Variants in HIVEP1 observed in about 807,000 individuals in gnomAD.
HIVEP1 encodes the protein zinc finger protein 40.
In HIVEP1, 36 loss-of-function variants were observed where a neutral mutation model predicts 180.0. The observed-to-expected ratio is 0.20, with a 90% CI of 0.15 to 0.26. HIVEP1 has a LOEUF of 0.26. Among genes scored for constraint, HIVEP1 ranks in the 10% least tolerant of loss-of-function variants. The pLI is 1.00. For missense variants in HIVEP1, 3,143 were observed against 3,268.7 expected, an observed-to-expected ratio of 0.96 and a Z score of 0.94; for synonymous variants, 1,239 against 1,239.0, an observed-to-expected ratio of 1.00 and a Z score of 0.00.
chr6:12,107,300 A>AAT (rs1774492233), intron 3 of HIVEP1, among the ~76,000 whole-genome samples: 1 of 152,234 alleles, frequency 6.6e-6, no homozygotes, highest in African/African-American at 2.4e-5. Context: ...CATTATGTCT[A>AAT]ATAAAACAAT....
intron 2 of HIVEP1, among the ~76,000 whole-genome samples, chr6:12,065,914 A>C (rs1771545874): frequency 6.6e-6 from 1 of 152,142 alleles, no homozygotes; most frequent in Non-Finnish European, 1.5e-5. Flanking sequence ...AACAGCACTC[A>C]GCACACAGGA....
At chr6:12,069,138 C>T (rs1325792454) in intron 2 of HIVEP1, among the ~76,000 whole-genome samples, 1 of 152,206 alleles carries the variant, frequency 6.6e-6, no homozygotes, top group Non-Finnish European at 1.5e-5. Flanking sequence ...CTTACACAAA[C>T]CTAGATGGTA....
chr6:12,150,783 T>C (rs940469242), intron 7 of HIVEP1, among the ~76,000 whole-genome samples: 2 of 152,130 alleles, frequency 1.3e-5, no homozygotes, highest in African/African-American at 4.8e-5. Flanking sequence ...ATTTTATCTT[T>C]AAAATATATA....
chr6:12,174,640 AGAAGAAGCATTTG>A, the HIVEP1 span, among the ~76,000 whole-genome samples: 1 of 152,190 alleles, frequency 6.6e-6, no homozygotes, highest in East Asian at 1.9e-4. Context: ...CTTCAAAAAA[AGAAGAAGCATTTG>A]GAAGACACAA....
chr6:12,168,401 TATATA>T (rs1274465253), downstream of HIVEP1, among the ~76,000 whole-genome samples: 2 of 123,014 alleles, frequency 1.6e-5, no homozygotes, highest in Non-Finnish European at 3.5e-5. Flanking sequence ...TATAATATTT[TATATA>T]ATATATTTTA....
chr6:12,124,952 A>C lies in HIVEP1; in HGVS notation c.5157A>C (p.Leu1719=). The change falls in exon 4 of 9, where the codon CTA becomes CTC. Residue 1719 remains leucine, a synonymous_variant. Transcript: ENST00000379388. ...VFSEMSQNSS[L]SESLPITQKI... is the part of the protein sequence containing the mutation. ...CAGAGATGAGCCAAAATTCTTCTCT[A>C]TCAGAATCCTTGCCCATAACTCAGA... 6.2e-7 allele frequency: 1 copy of C among 1,614,156 alleles called. No individual in the cohort carries two copies. The highest frequency in any genetic ancestry group is 1.3e-5 in the African/African-American group (1 of 75,062).
chr6:12,061,102 T>C (rs1446854446), intron 2 of HIVEP1, among the ~76,000 whole-genome samples: 1 of 152,104 alleles, frequency 6.6e-6, no homozygotes, highest in Non-Finnish European at 1.5e-5. Context: ...GGCCGACCTG[T>C]CATGGCTGGT....
chr6:12,174,274 A>G, the HIVEP1 span, among the ~76,000 whole-genome samples: 5 of 152,216 alleles, frequency 3.3e-5, no homozygotes, highest in African/African-American at 1.2e-4. Context: ...ATTATGAGAA[A>G]CCAAATTTCA....
At chr6:12,196,592 G>A in the HIVEP1 span, among the ~76,000 whole-genome samples, 2 of 152,130 alleles carry the variant, frequency 1.3e-5, no homozygotes, top group African/African-American at 4.8e-5. Flanking sequence ...GGTGATGTGA[G>A]GTTAGTTGTT....
intron 3 of HIVEP1, among the ~76,000 whole-genome samples, chr6:12,101,272 G>A (rs1381528936): frequency 6.6e-6 from 1 of 152,008 alleles, no homozygotes; most frequent in African/African-American, 2.4e-5. Context: ...CAAATAAGAA[G>A]GTTAGTATAA....
At chr6:12,015,418 G>A in intron 1 of HIVEP1, 108 bp from the exon 2 acceptor site, 1 of 445,018 alleles carries the variant, frequency 2.2e-6, no homozygotes, top group South Asian at 4.6e-5. Context: ...GCCCAGCTTG[G>A]TTACTTTTTC....
At chr6:12,183,210 T>C in the HIVEP1 span, among the ~76,000 whole-genome samples, 1 of 152,174 alleles carries the variant, frequency 6.6e-6, no homozygotes, top group Non-Finnish European at 1.5e-5. Flanking sequence ...TGTAATCCTT[T>C]TGAAAAACAG....
At chr6:12,041,445 G>C (rs1432569186) in intron 2 of HIVEP1, among the ~76,000 whole-genome samples, 6 of 104,102 alleles carry the variant, frequency 5.8e-5, no homozygotes, top group South Asian at 7.2e-4. Flanking sequence ...AAAAAAAAAA[G>C]CCGGAGAAAG....
chr6:12,054,093 C>T (rs1770711514), intron 2 of HIVEP1, among the ~76,000 whole-genome samples: 1 of 152,186 alleles, frequency 6.6e-6, no homozygotes, highest in Admixed American at 6.5e-5. Context: ...CTCTCAGCAA[C>T]ATATAAAACA....
intron 2 of HIVEP1, among the ~76,000 whole-genome samples, chr6:12,017,804 A>G (rs1206169020): frequency 6.6e-6 from 1 of 152,198 alleles, no homozygotes; most frequent in African/African-American, 2.4e-5. Flanking sequence ...TGTATTCACA[A>G]TCCCTTAGCT....
chr6:12,073,150 C>G (rs925368353), intron 2 of HIVEP1, among the ~76,000 whole-genome samples: 12 of 152,086 alleles, frequency 7.9e-5, no homozygotes, highest in African/African-American at 2.9e-4. Flanking sequence ...TGCTTTGAGG[C>G]CTTTTAGAGT....
At chr6:12,024,302 A>C (rs1174687786) in intron 2 of HIVEP1, among the ~76,000 whole-genome samples, 5 of 145,150 alleles carry the variant, frequency 3.4e-5, no homozygotes, top group Admixed American at 2.1e-4. Context: ...AAAGGTTTTT[A>C]GAAATTTTCT....
At chr6:12,076,631 TC>T (rs1772368815) in intron 2 of HIVEP1, among the ~76,000 whole-genome samples, 1 of 152,136 alleles carries the variant, frequency 6.6e-6, no homozygotes, top group Non-Finnish European at 1.5e-5. Flanking sequence ...GTAAACCCAC[TC>T]CTGCAGTCCT....
intron 6 of HIVEP1, among the ~76,000 whole-genome samples, chr6:12,135,098 TG>T (rs1758634148): frequency 6.6e-6 from 1 of 152,234 alleles, no homozygotes. Flanking sequence ...CAGGCTTACC[TG>T]TCCTGAGATA....
Sources: gnomAD v4.1 joint callset for allele counts (sites outside exome capture counted in the v4.1 genomes callset) on GRCh38, gnomAD v4.1.1 for gene constraint, MANE v1.5 for transcripts, NCBI Gene and HGNC (gene_info 2026-07-23, HGNC 2026-07-21) for gene names.